The following NRG3 variants were observed in gnomAD, a reference collection of about 807,000 sequenced individuals.
The protein encoded by NRG3 is neuregulin 3, also known as pro-neuregulin-3, membrane-bound isoform.
In NRG3, 31 loss-of-function variants were observed where a neutral mutation model predicts 66.9. That is an observed-to-expected ratio of 0.46 (90% confidence interval 0.35 to 0.63). The LOEUF (loss-of-function observed/expected upper bound fraction) is 0.63. Among genes scored for constraint, NRG3 ranks in the 20% least tolerant of loss-of-function variants. NRG3 has a pLI of 0.00. For missense variants in NRG3, 910 were observed against 878.9 expected (o/e 1.04, Z -0.45); for synonymous variants, 393 against 359.4 (o/e 1.09, Z -1.06).
intron 1 of NRG3, among the ~76,000 whole-genome samples, chr10:82,108,695 C>G (rs553730114): frequency 1.3e-5 from 2 of 152,114 alleles, no homozygotes; most frequent in Non-Finnish European, 2.9e-5. Flanking sequence ...GAAGTAATTA[C>G]AGTAGTAGTA....
chr10:82,598,334 T>A (rs371309099), intron 2 of NRG3, among the ~76,000 whole-genome samples: 5 of 152,150 alleles, frequency 3.3e-5, no homozygotes, highest in Non-Finnish European at 7.3e-5. Context: ...CAGTTTTATG[T>A]AATTAAGTTG....
intron 1 of NRG3, among the ~76,000 whole-genome samples, chr10:81,961,246 A>G (rs1850328277): frequency 6.6e-6 from 1 of 152,114 alleles, no homozygotes; most frequent in South Asian, 2.1e-4. Flanking sequence ...TAGAGGGTAA[A>G]ATTTCTCTTT....
At chr10:81,921,837 A>T (rs949772063) in intron 1 of NRG3, among the ~76,000 whole-genome samples, 8 of 152,148 alleles carry the variant, frequency 5.3e-5, no homozygotes, top group African/African-American at 1.2e-4. Context: ...TTCTAGTGAA[A>T]CTATGAATGG....
intron 1 of NRG3, among the ~76,000 whole-genome samples, chr10:82,116,493 G>T (rs371251976): frequency 6.6e-6 from 1 of 152,052 alleles, no homozygotes; most frequent in African/African-American, 2.4e-5. Flanking sequence ...TTTACTTAGG[G>T]TGAGGGTTAT....
chr10:82,308,455 A>G (rs897824699), intron 1 of NRG3, among the ~76,000 whole-genome samples: 6 of 151,966 alleles, frequency 3.9e-5, no homozygotes, highest in African/African-American at 1.4e-4. Context: ...AATATCCCGT[A>G]TGGCTTCTAC....
At chr10:82,936,531 C>T (rs979004764) in intron 4 of NRG3, among the ~76,000 whole-genome samples, 1 of 152,056 alleles carries the variant, frequency 6.6e-6, no homozygotes, top group Non-Finnish European at 1.5e-5. Context: ...GTTCAAGAGA[C>T]CTATTGTGCA....
At chr10:82,592,833 G>T (rs575571445) in intron 2 of NRG3, among the ~76,000 whole-genome samples, 1 of 152,188 alleles carries the variant, frequency 6.6e-6, no homozygotes, top group Non-Finnish European at 1.5e-5. Flanking sequence ...GGGATTGTCA[G>T]CTGGGACAGG....
chr10:82,277,743 G>A (rs2078925987), intron 1 of NRG3, among the ~76,000 whole-genome samples: 1 of 152,046 alleles, frequency 6.6e-6, no homozygotes, highest in South Asian at 2.1e-4. Context: ...TCTGTCTAAA[G>A]TTGCTCAAAT....
At chr10:82,194,752 A>T (rs931220561) in intron 1 of NRG3, among the ~76,000 whole-genome samples, 1 of 152,142 alleles carries the variant, frequency 6.6e-6, no homozygotes, top group African/African-American at 2.4e-5. Context: ...TGAATAATAG[A>T]TATTATTATC....
At chr10:82,150,530 C>CAAAAAAAAAAAAAAAAAAAAAAAAAAA (rs1188955647) in intron 1 of NRG3, among the ~76,000 whole-genome samples, 1 of 26,680 alleles carries the variant, frequency 3.7e-5, no homozygotes, top group Non-Finnish European at 7.4e-5. Flanking sequence ...AGAGCACACA[C>CAAAAAAAAAAAAAAAAAAAAAAAAAAA]AAAAAAAAAA....
At chr10:82,717,909 A>T (rs2057072293) in intron 2 of NRG3, among the ~76,000 whole-genome samples, 2 of 150,054 alleles carry the variant, frequency 1.3e-5, no homozygotes, top group East Asian at 3.9e-4. Context: ...ACTCACCTGT[A>T]TGTCAAAGCC....
chr10:81,988,983 C>T (rs975938715), intron 1 of NRG3, among the ~76,000 whole-genome samples: 19 of 151,264 alleles, frequency 1.3e-4, no homozygotes, highest in Admixed American at 1.1e-3. Flanking sequence ...GTTGAAGTAA[C>T]GCAAGTGAGG....
chr10:82,702,136 G>A (rs1040400154), intron 2 of NRG3, among the ~76,000 whole-genome samples: 2 of 152,144 alleles, frequency 1.3e-5, no homozygotes, highest in African/African-American at 2.4e-5. Flanking sequence ...GTCACAACAC[G>A]ATTGCCAGGC....
Position 82,452,801 on chromosome 10 carries a change from C to G in NRG3, c.953+93933C>G, listed in dbSNP as rs145359494. ...TTTATCACATTTGTCATATAACTGT[C>G]AAGTCTCCCTGAGTATTTGCCCAAC... On this transcript the variant is annotated intron_variant, in intron 2 of 8. Coordinates refer to ENST00000372141, the MANE Select transcript of NRG3 (RefSeq NM_001010848.4). Among the ~76,000 whole-genome samples the G allele has an allele frequency of 5.6e-4, 85 of 152,204 alleles. 1 individual carries two copies. The highest frequency in any genetic ancestry group is 2.0e-3 in the African/African-American group (84 of 41,516).
At chr10:82,349,764 T>G (rs537485589) in intron 1 of NRG3, among the ~76,000 whole-genome samples, 35 of 152,236 alleles carry the variant, frequency 2.3e-4, no homozygotes, top group East Asian at 1.2e-3. Context: ...ATAGAATCTC[T>G]TGGTGTGCCG....
At chr10:81,939,099 A>C (rs1188471333) in intron 1 of NRG3, among the ~76,000 whole-genome samples, 12 of 151,990 alleles carry the variant, frequency 7.9e-5, no homozygotes, top group Non-Finnish European at 1.5e-5. Context: ...CTTGCATCCC[A>C]AGGATAGACC....
intron 1 of NRG3, among the ~76,000 whole-genome samples, chr10:82,287,056 T>A (rs1479039573): frequency 6.6e-6 from 1 of 152,134 alleles, no homozygotes; most frequent in Non-Finnish European, 1.5e-5. Flanking sequence ...GGAACTGCAA[T>A]GTCACTGAGA....
chr10:82,763,323 G>A (rs1444532908), intron 3 of NRG3, among the ~76,000 whole-genome samples: 1 of 152,092 alleles, frequency 6.6e-6, no homozygotes, highest in Non-Finnish European at 1.5e-5. Flanking sequence ...AATGCAGAAA[G>A]TATTAAAGAA....
At chr10:82,698,460 A>G (rs1368906513) in intron 2 of NRG3, among the ~76,000 whole-genome samples, 1 of 152,206 alleles carries the variant, frequency 6.6e-6, no homozygotes, top group Non-Finnish European at 1.5e-5. Flanking sequence ...TAATACCATG[A>G]TAAAATAACT....
Sources: allele counts gnomAD v4.1 joint callset (sites outside exome capture counted in the v4.1 genomes callset), GRCh38; gene constraint gnomAD v4.1.1; transcripts MANE v1.5; gene names NCBI Gene and HGNC (gene_info 2026-07-23, HGNC 2026-07-21).